The following EFCAB5 variants were observed in gnomAD, a reference collection of about 807,000 sequenced individuals.
The protein encoded by EFCAB5 is EF-hand calcium binding domain 5.
A neutral mutation model predicts 167.9 loss-of-function variants in EFCAB5; 131 were observed. That is an observed-to-expected ratio of 0.78 (90% CI 0.68 to 0.90). The LOEUF is 0.90. Ranked by LOEUF, EFCAB5 falls within the 40% of genes least tolerant of loss-of-function variation. The pLI, the probability that EFCAB5 is intolerant of heterozygous loss-of-function variation, is 0.00. For synonymous variants in EFCAB5, 574 were observed against 602.8 expected (o/e 0.95, Z 0.70); for missense variants, 1,663 against 1,745.2 (o/e 0.95, Z 0.84).
chr17:29,984,801 T>C (rs2068247357), intron 4 of EFCAB5, among the ~76,000 whole-genome samples: 1 of 152,206 alleles, frequency 6.6e-6, no homozygotes, highest in Admixed American at 6.5e-5. Flanking sequence ...ACTATTAAAC[T>C]GCTTGTCTGC....
chr17:30,092,781 G>A, intron 21 of EFCAB5, 59 bp from the exon 22 acceptor site: 3 of 1,166,742 alleles, frequency 2.6e-6, no homozygotes, highest in Non-Finnish European at 3.8e-6. Flanking sequence ...TGTTGAACTG[G>A]GCACTGTATT....
chr17:29,989,676 TC>T (rs1268400257), intron 4 of EFCAB5, among the ~76,000 whole-genome samples: 2 of 152,154 alleles, frequency 1.3e-5, no homozygotes, highest in African/African-American at 4.8e-5. Context: ...CCTGATTTTT[TC>T]TTAATTATGA....
At chr17:29,979,243 G>A (rs747019950) in intron 4 of EFCAB5, among the ~76,000 whole-genome samples, 1 of 152,122 alleles carries the variant, frequency 6.6e-6, no homozygotes, top group African/African-American at 2.4e-5. Flanking sequence ...CCAGCTACTC[G>A]AGAGTGGGAG....
At chr17:30,066,241 A>G (rs1466826240) in intron 14 of EFCAB5, among the ~76,000 whole-genome samples, 1 of 152,220 alleles carries the variant, frequency 6.6e-6, no homozygotes, top group African/African-American at 2.4e-5. Flanking sequence ...AAGGAATTGA[A>G]ATCATATCAA....
intron 5 of EFCAB5, 86 bp downstream of exon 5, chr17:29,993,407 G>T: frequency 1.5e-6 from 2 of 1,358,806 alleles, no homozygotes; most frequent in Admixed American, 2.5e-5. Context: ...CATACTAGAA[G>T]CCTCCCTTGA....
At chr17:29,969,823 T>G (rs2067912554) in intron 4 of EFCAB5, among the ~76,000 whole-genome samples, 1 of 152,210 alleles carries the variant, frequency 6.6e-6, no homozygotes, top group Non-Finnish European at 1.5e-5. Flanking sequence ...CTATAGATCC[T>G]TATAGAATTT....
intron 4 of EFCAB5, among the ~76,000 whole-genome samples, chr17:29,986,285 G>T (rs749384021): frequency 3.3e-5 from 5 of 152,150 alleles, no homozygotes; most frequent in African/African-American, 4.8e-5. Flanking sequence ...CTTATGTTTA[G>T]CTCCTACAGC....
intron 4 of EFCAB5, among the ~76,000 whole-genome samples, chr17:29,982,593 G>T (rs1299581053): frequency 6.6e-6 from 1 of 152,134 alleles, no homozygotes; most frequent in African/African-American, 2.4e-5. Flanking sequence ...ATACTTATAA[G>T]AACTAAAAAC....
intron 1 of EFCAB5, among the ~76,000 whole-genome samples, chr17:29,931,763 A>C (rs2067198800): frequency 6.6e-6 from 1 of 152,228 alleles, no homozygotes; most frequent in Non-Finnish European, 1.5e-5. Context: ...CAAATAAATG[A>C]AATATATGTG....
chr17:30,053,046 G>A (rs1452970042), intron 9 of EFCAB5, among the ~76,000 whole-genome samples: 1 of 152,180 alleles, frequency 6.6e-6, no homozygotes, highest in Non-Finnish European at 1.5e-5. Flanking sequence ...TTTAGGAAGG[G>A]ATGATTTCTA....
chr17:30,022,679 C>T lies in EFCAB5; in HGVS notation c.1045-11551C>T, dbSNP rs115408746. On this transcript the variant is annotated intron_variant, in intron 7 of 22. Transcript: ENST00000394835. ...AATGTTTTCAAAATTCATATACTGACGGAAACAATTTAAAAGGTAGAATAT... is the reference window on the plus strand; with the variant it reads ...AATGTTTTCAAAATTCATATACTGATGGAAACAATTTAAAAGGTAGAATAT... Among the ~76,000 whole-genome samples the T allele has an allele frequency of 7.3e-3, 1,115 of 152,068 alleles. 16 individuals are homozygous for T. The highest frequency in any genetic ancestry group is 0.023 in the African/African-American group (952 of 41,472).
At chr17:29,936,048 A>C (rs1194099890) in intron 1 of EFCAB5, among the ~76,000 whole-genome samples, 1 of 152,214 alleles carries the variant, frequency 6.6e-6, no homozygotes, top group East Asian at 1.9e-4. Flanking sequence ...TACTAGGTGA[A>C]CCACACAGGA....
chr17:29,947,047 GC>G (rs1041838306), intron 3 of EFCAB5, among the ~76,000 whole-genome samples: 3 of 151,872 alleles, frequency 2.0e-5, no homozygotes, highest in Non-Finnish European at 4.4e-5. Context: ...GGTGGCAGGT[GC>G]CTGTAGTCCC....
rs559053141 is a variant in EFCAB5 at position 30,039,674 on chromosome 17, A to G, written c.1200+5289A>G. On this transcript the variant is annotated intron_variant, in intron 8 of 22. Coordinates refer to ENST00000394835, the MANE Select transcript of EFCAB5 (RefSeq NM_198529.4). ...TGTGCCGACTTAAAGCCATACCTCCACCTTACTAAAGGGATTGCCCCTGCC... is the reference window on the plus strand; with the variant it reads ...TGTGCCGACTTAAAGCCATACCTCCGCCTTACTAAAGGGATTGCCCCTGCC... Among the ~76,000 whole-genome samples, 287 of 152,266 alleles carry G rather than the reference A, an allele frequency of 1.9e-3. 3 individuals carry two copies. The highest frequency in any genetic ancestry group is 6.3e-4 in the Non-Finnish European group (43 of 68,016).
rs900152229 is a variant in EFCAB5, at chr17:29,989,022, T to C, written c.768-4143T>C. ...GCCGAGGGTTAGTGAGACTAGAATC[T>C]CCTCTAAGGATAGAAAATAGATTAC... is the stretch of plus-strand genomic sequence containing the variant. On this transcript the variant is annotated intron_variant, in intron 4 of 22. Transcript: ENST00000394835. Among the ~76,000 whole-genome samples the C allele has an allele frequency of 2.6e-5, 4 of 152,190 alleles. No homozygotes were observed. The East Asian group carries it at 5.8e-4, about 22-fold the overall frequency.
intron 1 of EFCAB5, among the ~76,000 whole-genome samples, chr17:29,934,416 T>G (rs1181068113): frequency 6.6e-6 from 1 of 152,186 alleles, no homozygotes; most frequent in Non-Finnish European, 1.5e-5. Context: ...TTGATAAAGG[T>G]CTAATTTGCA....
At chr17:30,043,998 C>G (rs1433690187) in intron 8 of EFCAB5, among the ~76,000 whole-genome samples, 2 of 152,042 alleles carry the variant, frequency 1.3e-5, no homozygotes, top group Non-Finnish European at 2.9e-5. Flanking sequence ...AATGAAATGA[C>G]AGCTATAGAC....
At chr17:29,996,498 C>A in intron 6 of EFCAB5, 138 bp downstream of exon 6, 1 of 658,832 alleles carries the variant, frequency 1.5e-6, no homozygotes, top group Non-Finnish European at 2.6e-6. Context: ...TCCATGCTGT[C>A]CAGATACAGA....
intron 7 of EFCAB5, among the ~76,000 whole-genome samples, chr17:30,018,720 C>G (rs1381594765): frequency 6.6e-6 from 1 of 152,078 alleles, no homozygotes; most frequent in Non-Finnish European, 1.5e-5. Context: ...CTAAACTCTA[C>G]CCTTTTATCT....
Sources: gnomAD v4.1 joint callset for allele counts (sites outside exome capture counted in the v4.1 genomes callset) on GRCh38, gnomAD v4.1.1 for gene constraint, MANE v1.5 for transcripts, NCBI Gene and HGNC (gene_info 2026-07-23, HGNC 2026-07-21) for gene names.